Variants in RASSF3 observed in about 807,000 individuals in gnomAD.
The protein encoded by RASSF3 is ras association domain-containing protein 3.
In RASSF3, 19 loss-of-function variants were observed where a neutral mutation model predicts 19.9. The observed-to-expected ratio is 0.96, with a 90% CI of 0.67 to 1.40. RASSF3 has a LOEUF of 1.40. Ranked by LOEUF, RASSF3 falls within the 40% of genes most tolerant of loss-of-function variation. The pLI is 0.00. For missense variants in RASSF3, 306 were observed against 289.8 expected (o/e 1.06, Z -0.41); for synonymous variants, 110 against 104.2 (o/e 1.06, Z -0.34).
upstream of RASSF3, among the ~76,000 whole-genome samples, chr12:64,530,344 T>G (rs541802306): frequency 6.6e-6 from 1 of 151,200 alleles, no homozygotes; most frequent in African/African-American, 2.4e-5. Context: ...GGTCTCACCA[T>G]GCTGCCTAGG....
chr12:64,600,568 T>C (rs1870075011), intron 2 of RASSF3, among the ~76,000 whole-genome samples: 1 of 151,988 alleles, frequency 6.6e-6, no homozygotes, highest in African/African-American at 2.4e-5. Context: ...TTGGATTTTG[T>C]TTTTTTTCTT....
chr12:64,649,255 C>T lies in RASSF3; in HGVS notation c.112-35532C>T, dbSNP rs573006767. On this transcript the variant is annotated intron_variant, in intron 1 of 4. Transcript: ENST00000542104. ...TCGCCCAGGCTGGAGTGCAGTGGCG[C>T]GATCTCGGCTCACTGCAAGCTCCGC... Among the ~76,000 whole-genome samples the T allele has an allele frequency of 8.0e-4, 121 of 151,400 alleles. 2 individuals carry two copies. The highest frequency in any genetic ancestry group is 1.1e-3 in the Non-Finnish European group (77 of 67,886).
intron 1 of RASSF3, among the ~76,000 whole-genome samples, chr12:64,525,256 T>C (rs773437766): frequency 1.3e-5 from 2 of 152,162 alleles, no homozygotes; most frequent in Non-Finnish European, 2.9e-5. Context: ...ATCTGGGCGA[T>C]AGAGTGAGAC....
Position 64,672,989 on chromosome 12 carries a change from G to A in RASSF3, c.112-11798G>A, listed in dbSNP as rs148343074. Among the ~76,000 whole-genome samples, 829 of 152,226 alleles carry A rather than the reference G, an allele frequency of 5.4e-3. 10 individuals carry two copies. Among genetic ancestry groups the A allele is most frequent in the African/African-American group, 0.018 (765 of 41,534 alleles). ...GATGGGCTCCACCTGCCTCCTCCTCGGTTGCTGCAGCATTCATTGCTTCGT... is the reference window on the plus strand; with the variant it reads ...GATGGGCTCCACCTGCCTCCTCCTCAGTTGCTGCAGCATTCATTGCTTCGT... On this transcript the variant is annotated intron_variant, in intron 1 of 4. Transcript: ENST00000542104.
chr12:64,665,494 A>G (rs1347106574), intron 1 of RASSF3, among the ~76,000 whole-genome samples: 1 of 152,156 alleles, frequency 6.6e-6, no homozygotes, highest in African/African-American at 2.4e-5. Context: ...AGGAGGTGGA[A>G]CTTGACTCCA....
At chr12:64,532,706 C>T (rs558536918), upstream of RASSF3, among the ~76,000 whole-genome samples, 1 of 151,266 alleles carries the variant, frequency 6.6e-6, no homozygotes. Context: ...CGTGGCGACA[C>T]TTGCCTATGT....
intron 1 of RASSF3, among the ~76,000 whole-genome samples, chr12:64,639,070 A>G (rs1306974875): frequency 6.6e-6 from 1 of 152,270 alleles, no homozygotes; most frequent in African/African-American, 2.4e-5. Flanking sequence ...GGCTACTGCC[A>G]TACGCAGATT....
chr12:64,638,396 C>T (rs900202212), intron 1 of RASSF3, among the ~76,000 whole-genome samples: 9 of 151,802 alleles, frequency 5.9e-5, no homozygotes, highest in Non-Finnish European at 1.2e-4. Flanking sequence ...CTGGCTAATA[C>T]GGTGAAACCC....
chr12:64,589,092 A>T (rs1869869075), intron 2 of RASSF3, among the ~76,000 whole-genome samples: 1 of 152,254 alleles, frequency 6.6e-6, no homozygotes, highest in African/African-American at 2.4e-5. Context: ...TATGCTACAT[A>T]AATCAAAGAA....
intron 3 of RASSF3, 150 bp from the exon 4 acceptor site, chr12:64,691,320 T>C: frequency 1.6e-6 from 1 of 626,402 alleles, no homozygotes; most frequent in South Asian, 1.8e-5. Context: ...TGTGGGCTAC[T>C]GGTATTAAAT....
At position 64,590,065 on chromosome 12, in the gene RASSF3, CAA is replaced by C. The variant is rs10578124; in HGVS notation, c.294+48376_294+48377del. Among the ~76,000 whole-genome samples, 324 of 133,424 alleles carry C rather than the reference CAA, an allele frequency of 2.4e-3. 1 individual carries two copies. The highest frequency in any genetic ancestry group is 4.8e-3 in the East Asian group (22 of 4,578). 87.5% of individuals were successfully genotyped at this position (133,424 alleles called of 152,430 possible). A position where few individuals can be genotyped will look rare whatever the true frequency, so the allele number is the denominator to read the frequency against. The stretch of plus-strand genomic sequence containing the variant: ...GAGCAAAGTGGCAGAACTCTTATCT[CAA>C]AAAAAAAAAAAAAAATTAAATTAGC... On this transcript the variant is annotated intron_variant, in intron 2 of 5. Transcript: ENST00000637125.
At chr12:64,679,174 TG>T (rs1369647969) in intron 1 of RASSF3, among the ~76,000 whole-genome samples, 1 of 152,242 alleles carries the variant, frequency 6.6e-6, no homozygotes, top group Non-Finnish European at 1.5e-5. Flanking sequence ...GTGATTCTCC[TG>T]CCTCAGCCTG....
At chr12:64,623,968 GC>G (rs1321021758) in intron 1 of RASSF3, among the ~76,000 whole-genome samples, 1 of 150,802 alleles carries the variant, frequency 6.6e-6, no homozygotes, top group African/African-American at 2.5e-5. Flanking sequence ...TTTTAGAATT[GC>G]TTTCTTGCTT....
chr12:64,652,497 A>G (rs1871996495), intron 1 of RASSF3, among the ~76,000 whole-genome samples: 1 of 145,594 alleles, frequency 6.9e-6, no homozygotes, highest in African/African-American at 2.6e-5. Context: ...CAGCCTCCTG[A>G]GTAGCTTGGA....
At chr12:64,570,396 G>A (rs1236918939) in intron 2 of RASSF3, among the ~76,000 whole-genome samples, 1 of 151,940 alleles carries the variant, frequency 6.6e-6, no homozygotes, top group Non-Finnish European at 1.5e-5. Flanking sequence ...TTCTCATCTG[G>A]GCATCATAAT....
chr12:64,521,629 T>C (rs1293561170), intron 1 of RASSF3, among the ~76,000 whole-genome samples: 2 of 152,238 alleles, frequency 1.3e-5, no homozygotes, highest in East Asian at 1.9e-4. Context: ...GGATTGTTGG[T>C]AATGTTGCCC....
At chr12:64,606,669 G>A (rs1870198352), upstream of RASSF3, among the ~76,000 whole-genome samples, 1 of 152,004 alleles carries the variant, frequency 6.6e-6, no homozygotes, top group South Asian at 2.1e-4. Flanking sequence ...ACAAAAATTG[G>A]CCGGGTGAGG....
At chr12:64,546,027 C>T (rs1460974030), downstream of RASSF3, among the ~76,000 whole-genome samples, 2 of 135,952 alleles carry the variant, frequency 1.5e-5, no homozygotes, top group Non-Finnish European at 3.0e-5. Context: ...ACCAGGGAGG[C>T]GAAGCTTGCA....
chr12:64,607,409 G>A (rs145452212), upstream of RASSF3, among the ~76,000 whole-genome samples: 136 of 151,704 alleles, frequency 9.0e-4, no homozygotes, highest in African/African-American at 3.0e-3. Flanking sequence ...TCCCTGTGTC[G>A]CCCAGGATAG....
Sources: gnomAD v4.1 joint callset for allele counts (sites outside exome capture counted in the v4.1 genomes callset) on GRCh38, gnomAD v4.1.1 for gene constraint, MANE v1.5 for transcripts, NCBI Gene and HGNC (gene_info 2026-07-23, HGNC 2026-07-21) for gene names.